THSD7B: variants seen among roughly 807,000 people sequenced by gnomAD.
THSD7B encodes thrombospondin type-1 domain-containing protein 7B.
In THSD7B, 138 loss-of-function variants were observed where a neutral mutation model predicts 213.6. The observed-to-expected ratio is 0.65, with a 90% CI of 0.56 to 0.74. THSD7B has a LOEUF of 0.74. THSD7B is among the 30% of genes least tolerant of loss of function. THSD7B has a pLI of 0.00. For synonymous variants in THSD7B, 742 were observed against 687.0 expected (o/e 1.08, Z -1.25); for missense variants, 1,931 against 1,991.5 (o/e 0.97, Z 0.58).
chr2:136,881,121 T>C (rs1012158885), intron 1 of THSD7B, among the ~76,000 whole-genome samples: 3 of 152,184 alleles, frequency 2.0e-5, no homozygotes, highest in Non-Finnish European at 2.9e-5. Context: ...CAAGTCCTAA[T>C]GTTTCCCTAG....
At chr2:137,020,943 T>C (rs13422653) in intron 2 of THSD7B, among the ~76,000 whole-genome samples, 10,505 of 152,240 alleles carry the variant, frequency 0.069, 396 homozygotes, top group East Asian at 0.15. Context: ...GTATGTCTTA[T>C]CCAGGAGACA....
Position 137,528,312 on chromosome 2 carries a change from T to A in THSD7B, c.3139-34909T>A, listed in dbSNP as rs185062545. The stretch of plus-strand genomic sequence containing the variant: ...TAGACTTTAATTTCCACTTCTATCA[T>A]GCATGCATTGGATAACTGCTGCCAT... On this transcript the variant is annotated intron_variant, in intron 15 of 27. Transcript: ENST00000409968. Among the ~76,000 whole-genome samples, 42 of 152,212 alleles carry A rather than the reference T, an allele frequency of 2.8e-4. No individual in the cohort carries two copies. In the East Asian group the frequency reaches 7.6e-3, roughly 27 times the overall value.
intron 3 of THSD7B, among the ~76,000 whole-genome samples, chr2:137,076,520 C>G (rs1573807244): frequency 6.6e-6 from 1 of 152,240 alleles, no homozygotes; most frequent in East Asian, 1.9e-4. Flanking sequence ...AGGGAATTCC[C>G]TGACCCCTTG....
intron 20 of THSD7B, among the ~76,000 whole-genome samples, chr2:137,631,205 A>C (rs1331704217): frequency 1.3e-5 from 2 of 152,222 alleles, no homozygotes; most frequent in Non-Finnish European, 2.9e-5. Flanking sequence ...GCTTCCACTA[A>C]GGGATCTTTT....
At chr2:137,393,606 T>C (rs1686099236) in intron 12 of THSD7B, among the ~76,000 whole-genome samples, 1 of 146,212 alleles carries the variant, frequency 6.8e-6, no homozygotes, top group African/African-American at 2.5e-5. Context: ...TTGTGAATAA[T>C]GCCTCAATAA....
intron 7 of THSD7B, among the ~76,000 whole-genome samples, chr2:137,196,619 G>T (rs1353476521): frequency 6.6e-6 from 1 of 152,066 alleles, no homozygotes; most frequent in Non-Finnish European, 1.5e-5. Flanking sequence ...ACCACAGATT[G>T]TCCATGTGGG....
At chr2:136,888,377 C>G (rs1683755549) in intron 2 of THSD7B, among the ~76,000 whole-genome samples, 1 of 151,976 alleles carries the variant, frequency 6.6e-6, no homozygotes, top group South Asian at 2.1e-4. Flanking sequence ...TTAGTTATAG[C>G]TTAAATAATA....
chr2:136,985,344 C>T (rs933515206), intron 2 of THSD7B, among the ~76,000 whole-genome samples: 3 of 152,170 alleles, frequency 2.0e-5, no homozygotes, highest in Non-Finnish European at 4.4e-5. Context: ...AGGATCCAGG[C>T]CCAGGGCTCT....
In THSD7B at chr2:136,865,887, C is replaced by T. The variant is rs140725698; in HGVS notation, c.-35-16257C>T. 3.7e-3 allele frequency among the ~76,000 whole-genome samples: 558 copies of T among 152,274 alleles called. 5 individuals carry two copies. The highest frequency in any genetic ancestry group is 5.0e-3 in the Non-Finnish European group (342 of 67,998). On this transcript the variant is annotated intron_variant, in intron 1 of 27. Coordinates refer to ENST00000409968, the MANE Select transcript of THSD7B (RefSeq NM_001316349.2). ...TCCCACCTAAGTTTATTCAGGACTT[C>T]CACCCTGCAACCAATAACAAGCATT...
chr2:136,814,623 C>T (rs1682441486), intron 1 of THSD7B, among the ~76,000 whole-genome samples: 1 of 152,152 alleles, frequency 6.6e-6, no homozygotes, highest in Non-Finnish European at 1.5e-5. Context: ...TGGTTTTGAT[C>T]TCCTGACCTC....
chr2:137,445,356 A>G (rs1335233658), intron 14 of THSD7B, among the ~76,000 whole-genome samples: 1 of 152,062 alleles, frequency 6.6e-6, no homozygotes, highest in Non-Finnish European at 1.5e-5. Flanking sequence ...AATCCACCTA[A>G]GTGCCCATCA....
chr2:137,077,330 G>T lies in THSD7B; in HGVS notation c.951-17543G>T, dbSNP rs888434244. On this transcript the variant is annotated intron_variant, in intron 3 of 27. Coordinates refer to ENST00000409968, the MANE Select transcript of THSD7B (RefSeq NM_001316349.2). The stretch of plus-strand genomic sequence containing the variant: ...TAGCAGCATGTTTTATAATCCTTTG[G>T]ATATATACCCAGTAATGGGATGGCT... Among the ~76,000 whole-genome samples, 3 of 152,078 alleles carry T rather than the reference G, an allele frequency of 2.0e-5. No individual in the cohort carries two copies. In the East Asian group the frequency reaches 5.8e-4, roughly 29 times the overall value.
Position 136,872,917 on chromosome 2 carries a change from T to C in THSD7B, c.-35-9227T>C, listed in dbSNP as rs777612535. Among the ~76,000 whole-genome samples the C allele has an allele frequency of 6.6e-4, 94 of 143,088 alleles. 2 individuals are homozygous for C. The highest frequency in any genetic ancestry group is 1.4e-4 in the Non-Finnish European group (9 of 66,480). The allele number at this position is 143,088 out of a possible 152,430, so 93.9% of individuals were successfully genotyped here. ...GGGGGAATTTTAAAGCTATTTACCA[T>C]AGGGTTGCATAACTGCTAAATTGCT... On this transcript the variant is annotated intron_variant, in intron 1 of 27. Transcript: ENST00000409968.
chr2:137,065,349 A>G (rs1047742699), intron 3 of THSD7B, among the ~76,000 whole-genome samples: 1 of 152,040 alleles, frequency 6.6e-6, no homozygotes, highest in Admixed American at 6.6e-5. Flanking sequence ...TGATTTTTAT[A>G]TGTTGATTTT....
At chr2:137,557,092 G>A (rs1680987930) in intron 15 of THSD7B, among the ~76,000 whole-genome samples, 2 of 152,066 alleles carry the variant, frequency 1.3e-5, no homozygotes, top group Admixed American at 6.6e-5. Flanking sequence ...CAATAATAAT[G>A]GGAGACTTTA....
chr2:137,445,993 T>C (rs1009219180), intron 14 of THSD7B, among the ~76,000 whole-genome samples: 1 of 151,590 alleles, frequency 6.6e-6, no homozygotes, highest in African/African-American at 2.4e-5. Flanking sequence ...ACTCACAAGA[T>C]TCTCCCGGAT....
chr2:137,345,590 AGAGT>A (rs1164244390), intron 12 of THSD7B, among the ~76,000 whole-genome samples: 1 of 151,648 alleles, frequency 6.6e-6, no homozygotes, highest in Non-Finnish European at 1.5e-5. Context: ...AATCAAACTA[AGAGT>A]GAGAGAGAGA....
Position 136,931,328 on chromosome 2 carries a change from T to C in THSD7B, c.139+49011T>C, listed in dbSNP as rs149940353. Among the ~76,000 whole-genome samples, 285 of 152,282 alleles carry C rather than the reference T, an allele frequency of 1.9e-3. 1 individual carries two copies. The highest frequency in any genetic ancestry group is 6.2e-3 in the African/African-American group (256 of 41,560). Reference sequence around the variant, plus strand: ...CCGAATTTTACAATTGAGGAAATTATTGCTCAGGGAATATAGTAATCTGGT... The same window carrying C: ...CCGAATTTTACAATTGAGGAAATTACTGCTCAGGGAATATAGTAATCTGGT... On this transcript the variant is annotated intron_variant, in intron 2 of 27. Transcript: ENST00000409968.
At chr2:137,187,528 T>G (rs1448626026) in intron 7 of THSD7B, among the ~76,000 whole-genome samples, 1 of 152,202 alleles carries the variant, frequency 6.6e-6, no homozygotes, top group African/African-American at 2.4e-5. Context: ...GTTAGATCAA[T>G]GCACAATGAG....
Sources: allele counts gnomAD v4.1 joint callset (sites outside exome capture counted in the v4.1 genomes callset), GRCh38; gene constraint gnomAD v4.1.1; transcripts MANE v1.5; gene names NCBI Gene and HGNC (gene_info 2026-07-23, HGNC 2026-07-21).